PHF2: variants seen among roughly 807,000 people sequenced by gnomAD.
PHF2 encodes PHD finger protein 2.
In PHF2, 27 loss-of-function variants were observed where a neutral mutation model predicts 120.5. That is an observed-to-expected ratio of 0.22 (90% CI 0.17 to 0.31). The LOEUF (loss-of-function observed/expected upper bound fraction) is 0.31. PHF2 is among the 10% of genes least tolerant of loss of function. The pLI is 1.00. For synonymous variants in PHF2, 568 were observed against 592.5 expected, an observed-to-expected ratio of 0.96 and a Z score of 0.60; for missense variants, 1,024 against 1,434.8, an observed-to-expected ratio of 0.71 and a Z score of 4.63.
intron 1 of PHF2, among the ~76,000 whole-genome samples, chr9:93,604,488 A>G (rs532131739): frequency 6.7e-6 from 1 of 150,328 alleles, no homozygotes; most frequent in South Asian, 2.1e-4. Context: ...TTTTTGAGAC[A>G]GAGTCTCGCT....
chr9:93,652,176 C>G (rs556741721), intron 5 of PHF2, among the ~76,000 whole-genome samples: 4 of 151,952 alleles, frequency 2.6e-5, no homozygotes, highest in African/African-American at 9.7e-5. Context: ...ACAGCACTTG[C>G]AGATGGGATG....
At chr9:93,649,242 G>C in intron 5 of PHF2, 30 bp downstream of exon 5, 1 of 1,541,186 alleles carries the variant, frequency 6.5e-7, no homozygotes, top group South Asian at 1.2e-5. Context: ...GGGTGTGGGG[G>C]CTGGGGTTGG....
At chr9:93,604,821 A>G (rs1825510081) in intron 1 of PHF2, among the ~76,000 whole-genome samples, 1 of 143,106 alleles carries the variant, frequency 7.0e-6, no homozygotes, top group Non-Finnish European at 1.6e-5. Context: ...CTGAGATAGA[A>G]TCCTTGAATT....
rs141171592 is a variant in PHF2 at position 93,620,466 on chromosome 9, C to T, written c.99-9504C>T. ...TGTGAGCCAGCACTGTCCCCATGGGCGACAACCTTTGAAGTCAGCAAGATG... is the reference window on the plus strand; with the variant it reads ...TGTGAGCCAGCACTGTCCCCATGGGTGACAACCTTTGAAGTCAGCAAGATG... On this transcript the variant is annotated intron_variant, in intron 1 of 21. Coordinates refer to ENST00000359246, the MANE Select transcript of PHF2 (RefSeq NM_005392.4). Among the ~76,000 whole-genome samples the T allele has an allele frequency of 1.1e-3, 171 of 152,314 alleles. 1 individual carries two copies. Among genetic ancestry groups the T allele is most frequent in the African/African-American group, 3.6e-3 (149 of 41,568 alleles).
intron 1 of PHF2, among the ~76,000 whole-genome samples, chr9:93,583,864 T>C (rs1189464834): frequency 1.3e-5 from 2 of 150,974 alleles, no homozygotes; most frequent in African/African-American, 4.9e-5. Flanking sequence ...GTTTTGCCCT[T>C]GTTGCCCAGG....
At chr9:93,633,859 G>A (rs573014250) in intron 2 of PHF2, among the ~76,000 whole-genome samples, 7 of 152,224 alleles carry the variant, frequency 4.6e-5, no homozygotes, top group East Asian at 1.9e-4. Context: ...GCTCCCCTCC[G>A]TGGCACCCTG....
Position 93,656,153 on chromosome 9 carries a change from C to T in PHF2, c.1040+132C>T. The stretch of plus-strand genomic sequence containing the variant: ...TGGGTGGCCTGGACATGACCGTCAG[C>T]CTCGGTGGGCCTCTTTGTGATGTGG... On this transcript the variant is annotated intron_variant, in intron 8 of 21. Transcript: ENST00000359246. This position sits in a 1 kb window ranked among gnomAD's most constrained non-coding sequence, Gnocchi z 4.1. The T allele has an allele frequency of 1.5e-6, 1 of 689,086 alleles. No individual in the cohort carries two copies. The highest frequency in any genetic ancestry group is 2.5e-6 in the Non-Finnish European group (1 of 397,638). 42.7% of individuals were successfully genotyped at this position (689,086 alleles called of 1,614,324 possible).
At chr9:93,649,295 C>A in intron 5 of PHF2, 83 bp downstream of exon 5, 2 of 1,163,736 alleles carry the variant, frequency 1.7e-6, no homozygotes, top group Non-Finnish European at 2.5e-6. Context: ...CTGAGAAGCA[C>A]AGGTCGAAGG....
intron 1 of PHF2, among the ~76,000 whole-genome samples, chr9:93,625,396 G>A (rs1353929544): frequency 6.6e-6 from 1 of 151,528 alleles, no homozygotes; most frequent in Non-Finnish European, 1.5e-5. Context: ...GGACATTCGG[G>A]CAATTTCCAC....
intron 1 of PHF2, among the ~76,000 whole-genome samples, chr9:93,590,521 C>T (rs148768339): frequency 6.6e-6 from 1 of 152,220 alleles, no homozygotes; most frequent in Non-Finnish European, 1.5e-5. Flanking sequence ...CCTAAATACC[C>T]CTCTTTGTTT....
At chr9:93,606,055 C>T (rs1825537512) in intron 1 of PHF2, among the ~76,000 whole-genome samples, 2 of 152,030 alleles carry the variant, frequency 1.3e-5, no homozygotes, top group South Asian at 2.1e-4. Flanking sequence ...CTCACTGCAA[C>T]CTCCACCTCC....
Position 93,677,110 on chromosome 9 carries a change from T to C in PHF2, c.3202+147T>C. On this transcript the variant is annotated intron_variant, in intron 21 of 21. Transcript: ENST00000359246. The surrounding 1 kb of genome is among the most constrained non-coding windows in gnomAD (Gnocchi z 4.4). ...GGGTGGCAGGGTGCTGTGGTCCAAG[T>C]TGGTTGCATCTTTGTGTGAGCGTAT... The C allele has an allele frequency of 1.2e-6, 1 of 834,942 alleles. No homozygotes were observed. Among genetic ancestry groups the C allele is most frequent in the Non-Finnish European group, 1.8e-6 (1 of 553,430 alleles). 51.7% of individuals were successfully genotyped at this position (834,942 alleles called of 1,614,324 possible).
In PHF2 at chr9:93,576,812, C is replaced by T; in HGVS notation, c.39C>T (p.Pro13=). 7.7e-7 allele frequency: 1 copy of T among 1,291,636 alleles called. No homozygotes were observed. Among genetic ancestry groups the T allele is most frequent in the Non-Finnish European group, 1.0e-6 (1 of 985,044 alleles). 80.0% of individuals were successfully genotyped at this position (1,291,636 alleles called of 1,614,324 possible). The change falls in exon 1 of 22, where the codon CCC becomes CCT. Residue 13 remains proline, a synonymous_variant. Coordinates refer to ENST00000359246, the MANE Select transcript of PHF2 (RefSeq NM_005392.4). ...TVPVYCVCRL[P]YDVTRFMIEC... ...CCGTGTACTGCGTCTGCCGGCTCCC[C>T]TACGACGTTACCCGCTTCATGATCG...
chr9:93,607,534 C>T (rs1483528878), intron 1 of PHF2, among the ~76,000 whole-genome samples: 4 of 150,006 alleles, frequency 2.7e-5, no homozygotes, highest in East Asian at 3.9e-4. Context: ...CTGCCCACCT[C>T]GGCCTCTCAA....
intron 4 of PHF2, among the ~76,000 whole-genome samples, chr9:93,647,211 G>T (rs533767627): frequency 6.6e-6 from 1 of 152,310 alleles, no homozygotes; most frequent in African/African-American, 2.4e-5. Flanking sequence ...CTAATATATA[G>T]TGAGGGCCTG....
chr9:93,652,952 G>T (rs1826393894), intron 5 of PHF2, among the ~76,000 whole-genome samples: 2 of 152,184 alleles, frequency 1.3e-5, no homozygotes, highest in African/African-American at 4.8e-5. Context: ...TCTTCTGGGG[G>T]TGGAGGCCAG....
At chr9:93,669,139 C>T (rs1826735126) in intron 17 of PHF2, among the ~76,000 whole-genome samples, 1 of 152,256 alleles carries the variant, frequency 6.6e-6, no homozygotes, top group Non-Finnish European at 1.5e-5. Flanking sequence ...TCCTCACCCT[C>T]TTGGGTTGCC....
rs1253827902 is a variant in PHF2 at position 93,677,372 on chromosome 9, C to T, written c.3203-216C>T. 6.6e-6 allele frequency among the ~76,000 whole-genome samples: 1 copy of T among 151,912 alleles called. No individual in the cohort carries two copies. The highest frequency in any genetic ancestry group is 1.5e-5 in the Non-Finnish European group (1 of 67,988). The stretch of plus-strand genomic sequence containing the variant: ...ATGTCCATCCTACCTGCCAGGGCCC[C>T]TTGAGGACACGGCCTCTGAGGCGGA... On this transcript the variant is annotated intron_variant, in intron 21 of 21. Transcript: ENST00000359246. This position sits in a 1 kb window ranked among gnomAD's most constrained non-coding sequence, Gnocchi z 4.4.
In PHF2 at chr9:93,663,534, C is replaced by T. The variant is rs1453066256; in HGVS notation, c.1836C>T (p.Ser612=). The T allele has an allele frequency of 4.3e-6, 7 of 1,612,260 alleles. No individual in the cohort carries two copies. The highest frequency in any genetic ancestry group is 5.9e-6 in the Non-Finnish European group (7 of 1,178,754). ...KWKYKNSKPD[S]LLKMEEEQKL... ...CTTTTCAGAACAGCAAACCTGACTC[C>T]TTACTGAAGATGGAAGAGGAGCAGA... The change falls in exon 14 of 22, where the codon TCC becomes TCT. Residue 612 remains serine (S), a synonymous_variant. Coordinates refer to ENST00000359246, the MANE Select transcript of PHF2 (RefSeq NM_005392.4).
Sources: gnomAD v4.1 joint callset for allele counts (sites outside exome capture counted in the v4.1 genomes callset) on GRCh38, gnomAD v4.1.1 for gene constraint, Gnocchi (gnomAD v3.1) non-coding constraint, MANE v1.5 for transcripts, NCBI Gene and HGNC (gene_info 2026-07-23, HGNC 2026-07-21) for gene names.